SEM1: variants seen among roughly 807,000 people sequenced by gnomAD.
SEM1 encodes the protein 26S proteasome complex subunit SEM1.
A neutral mutation model predicts 12.7 loss-of-function variants in SEM1; 3 were observed. That is an observed-to-expected ratio of 0.24 (90% CI 0.11 to 0.61). The LOEUF is 0.61. Ranked by LOEUF, SEM1 falls within the 20% of genes least tolerant of loss-of-function variation. SEM1 has a pLI of 0.88. For missense variants in SEM1, 59 were observed against 81.3 expected (o/e 0.73, Z 1.06); for synonymous variants, 30 against 27.8 (o/e 1.08, Z -0.25).
chr7:96,689,263 T>C (rs6968090), intron 2 of SEM1, among the ~76,000 whole-genome samples: 31,287 of 152,082 alleles, frequency 0.21, 3,275 homozygotes, highest in South Asian at 0.25. Flanking sequence ...TTCAAATACT[T>C]TCCAAATGCT....
At chr7:96,525,209 T>C (rs1458416351) in intron 2 of SEM1, among the ~76,000 whole-genome samples, 1 of 151,894 alleles carries the variant, frequency 6.6e-6, no homozygotes. Flanking sequence ...ATATAAACAA[T>C]TACCCCTCCC....
intron 1 of SEM1, among the ~76,000 whole-genome samples, chr7:96,709,472 C>T (rs1410967149): frequency 1.3e-5 from 2 of 152,164 alleles, no homozygotes; most frequent in East Asian, 3.9e-4. Flanking sequence ...AGTGAGGAAG[C>T]CGAAGCCATT....
chr7:96,654,345 G>A (rs1345866554), intron 2 of SEM1, among the ~76,000 whole-genome samples: 1 of 152,184 alleles, frequency 6.6e-6, no homozygotes, highest in South Asian at 2.1e-4. Flanking sequence ...CCCTCTCCTA[G>A]TATAATCAAG....
intron 1 of SEM1, chr7:96,486,476 G>A: frequency 1.5e-6 from 2 of 1,365,124 alleles, no homozygotes; most frequent in Non-Finnish European, 2.0e-6. Flanking sequence ...AGGTGAGGAG[G>A]CGGGCACCTG....
At position 96,564,695 on chromosome 7, in the gene SEM1, A is replaced by G. The variant is rs568673087; in HGVS notation, c.171-57997T>C. Among the ~76,000 whole-genome samples the G allele has an allele frequency of 3.6e-4, 55 of 152,166 alleles. No homozygotes were observed. The South Asian group carries it at 0.011, about 32-fold the overall frequency. On this transcript the variant is annotated intron_variant and NMD_transcript_variant, in intron 2 of 3. Coordinates refer to the SEM1 transcript ENST00000466986. The stretch of plus-strand genomic sequence containing the variant: ...AAGTACTTTATGTAACAGATCCACT[A>G]TCTAGTCTTGGACACCCTACGTCTG...
chr7:96,529,061 G>A lies in SEM1; in HGVS notation c.171-22363C>T, dbSNP rs1225010734. On this transcript the variant is annotated intron_variant and NMD_transcript_variant, in intron 2 of 3. Coordinates refer to the SEM1 transcript ENST00000466986. ...TTTGGTTTGGAAGAAAGAATAAAGT[G>A]TATTGGATGGTGATTAGGTAACTGA... 2.0e-5 allele frequency among the ~76,000 whole-genome samples: 3 copies of A among 152,080 alleles called. No individual in the cohort carries two copies. In the East Asian group the frequency reaches 5.8e-4, roughly 29 times the overall value.
intron 2 of SEM1, among the ~76,000 whole-genome samples, chr7:96,665,294 A>G (rs2116547099): frequency 6.6e-6 from 1 of 152,254 alleles, no homozygotes; most frequent in East Asian, 1.9e-4. Context: ...GGAGCTCACC[A>G]AGGGGGGAAA....
chr7:96,581,132 T>C (rs979522301), intron 2 of SEM1, among the ~76,000 whole-genome samples: 1 of 152,202 alleles, frequency 6.6e-6, no homozygotes, highest in Non-Finnish European at 1.5e-5. Context: ...TAATCCGTCT[T>C]GAATTGATTT....
intron 2 of SEM1, among the ~76,000 whole-genome samples, chr7:96,515,597 T>G (rs1214111125): frequency 1.3e-5 from 2 of 152,174 alleles, no homozygotes; most frequent in Non-Finnish European, 2.9e-5. Flanking sequence ...TGCAGCACTA[T>G]TCACAATAGC....
chr7:96,613,862 A>C (rs1335102631), intron 2 of SEM1, among the ~76,000 whole-genome samples: 1 of 152,238 alleles, frequency 6.6e-6, no homozygotes, highest in Non-Finnish European at 1.5e-5. Flanking sequence ...CCATGTTGCC[A>C]CAAATGACAG....
downstream of SEM1, among the ~76,000 whole-genome samples, chr7:96,687,571 G>T (rs1283335720): frequency 6.6e-6 from 1 of 151,762 alleles, no homozygotes; most frequent in Non-Finnish European, 1.5e-5. Context: ...CTCATAGATG[G>T]GAATTGAACA....
At chr7:96,708,378 CAG>C (rs1790536278) in intron 1 of SEM1, among the ~76,000 whole-genome samples, 2 of 152,190 alleles carry the variant, frequency 1.3e-5, no homozygotes, top group Non-Finnish European at 2.9e-5. Context: ...AACAAAGTAA[CAG>C]TACATTATAA....
At chr7:96,510,716 T>A (rs1803910431) in intron 2 of SEM1, among the ~76,000 whole-genome samples, 1 of 152,150 alleles carries the variant, frequency 6.6e-6, no homozygotes, top group South Asian at 2.1e-4. Flanking sequence ...CATGATATAA[T>A]GTTATAAAAT....
chr7:96,703,972 AACACACACAC>A (rs67174798), intron 1 of SEM1, among the ~76,000 whole-genome samples: 203 of 142,178 alleles, frequency 1.4e-3, no homozygotes, highest in South Asian at 6.2e-3. Context: ...GTCTCTTAAA[AACACACACAC>A]ACACACACAC....
chr7:96,486,936 C>G (rs1047962971), intron 1 of SEM1, among the ~76,000 whole-genome samples: 1 of 152,172 alleles, frequency 6.6e-6, no homozygotes, highest in African/African-American at 2.4e-5. Flanking sequence ...TGTGCGCATG[C>G]CTGTGCCTGC....
intron 2 of SEM1, among the ~76,000 whole-genome samples, chr7:96,579,761 TTAAA>T (rs759926663): frequency 9.2e-5 from 14 of 152,268 alleles, no homozygotes; most frequent in Non-Finnish European, 1.3e-4. Flanking sequence ...ACACATGTGA[TTAAA>T]TAAATTAGAA....
chr7:96,689,120 A>ATG lies in SEM1; in HGVS notation c.171-155_171-154insCA, dbSNP rs1267651947. On this transcript the variant is annotated intron_variant, in intron 2 of 2. Transcript: ENST00000248566. ...TTACTTTTGTCTCTGAAAAAAAAAC[A>ATG]TAAGAAAATTGGATATGAGTCAATA... 2.6e-5 allele frequency among the ~76,000 whole-genome samples: 4 copies of ATG among 151,312 alleles called. No individual in the cohort carries two copies. The East Asian group carries it at 7.7e-4, about 29-fold the overall frequency.
chr7:96,636,321 G>T (rs561492204), intron 2 of SEM1, among the ~76,000 whole-genome samples: 17 of 59,432 alleles, frequency 2.9e-4, no homozygotes, highest in Non-Finnish European at 7.4e-4. Context: ...CTGAAAAAAA[G>T]AAAATAACTT....
intron 2 of SEM1, among the ~76,000 whole-genome samples, chr7:96,648,302 A>G (rs1039465793): frequency 2.0e-5 from 3 of 152,194 alleles, no homozygotes; most frequent in East Asian, 3.9e-4. Context: ...CATAGAAAGA[A>G]AAGGAGGAAA....
Sources: gnomAD v4.1 joint callset for allele counts (sites outside exome capture counted in the v4.1 genomes callset) on GRCh38, gnomAD v4.1.1 for gene constraint, MANE v1.5 for transcripts, NCBI Gene and HGNC (gene_info 2026-07-23, HGNC 2026-07-21) for gene names.